SECISBP2L: variants seen among roughly 807,000 people sequenced by gnomAD.
SECISBP2L encodes SECIS binding protein 2 like.
SECISBP2L carries 43 observed loss-of-function variants against 114.7 expected under a neutral mutation model. That is an observed-to-expected ratio of 0.38 (90% confidence interval 0.29 to 0.48). The LOEUF is 0.48. SECISBP2L is among the 20% of genes least tolerant of loss of function. The pLI is 0.98. For missense variants in SECISBP2L, 1,136 were observed against 1,301.1 expected, an observed-to-expected ratio of 0.87 and a Z score of 1.95; for synonymous variants, 451 against 439.7, an observed-to-expected ratio of 1.03 and a Z score of -0.32.
At chr15:49,008,334 T>C (rs2141066940) in intron 14 of SECISBP2L, among the ~76,000 whole-genome samples, 1 of 152,316 alleles carries the variant, frequency 6.6e-6, no homozygotes, top group South Asian at 2.1e-4. Flanking sequence ...ATGCAGAGAT[T>C]GAGGAACATT....
Position 49,037,590 on chromosome 15 carries a change from C to T in SECISBP2L, c.203+1G>A. On this transcript the variant is annotated splice_donor_variant, in intron 2 of 17. Transcript: ENST00000559471. LOFTEE classifies it high-confidence loss of function. The stretch of plus-strand genomic sequence containing the variant: ...AAAGAAAATAAAAATAAACAAATTA[C>T]CTATTGGACTGGTTTTCCTGCACAA... The T allele has an allele frequency of 6.2e-7, 1 of 1,611,682 alleles. No individual in the cohort carries two copies. Among genetic ancestry groups the T allele is most frequent in the Non-Finnish European group, 8.5e-7 (1 of 1,179,378 alleles).
rs549706881 is a variant in SECISBP2L at position 49,038,256 on chromosome 15, T to C, written c.25-487A>G. On this transcript the variant is annotated intron_variant, in intron 1 of 17. Coordinates refer to ENST00000559471, the MANE Select transcript of SECISBP2L (RefSeq NM_001193489.2). Reference sequence around the variant, plus strand: ...TCATTAAAAGAAAAAATGTCTAAGATGAAAAAATACTTAACATTAACAAGA... The same window carrying C: ...TCATTAAAAGAAAAAATGTCTAAGACGAAAAAATACTTAACATTAACAAGA... 4.6e-5 allele frequency among the ~76,000 whole-genome samples: 7 copies of C among 152,124 alleles called. No homozygotes were observed. In the East Asian group the frequency reaches 9.6e-4, roughly 21 times the overall value.
chr15:49,000,029 A>G (rs777294125), intron 15 of SECISBP2L, 42 bp from the exon 16 acceptor site: 33 of 1,604,034 alleles, frequency 2.1e-5, no homozygotes, highest in Non-Finnish European at 2.7e-5. Flanking sequence ...GTTGTTGCCT[A>G]CATGGAGCTA....
At position 49,028,613 on chromosome 15, in the gene SECISBP2L, C is replaced by A; in HGVS notation, c.734G>T (p.Gly245Val). The change falls in exon 5 of 18, where the codon GGC becomes GTC. Residue 245 changes from glycine to valine, a missense_variant. Gly to Val is a moderately radical substitution (Grantham distance 109, BLOSUM62 -3). This residue lies in a region of SECISBP2L where 452 missense variants were observed against 452.3 expected (regional missense o/e 1.00). Transcript: ENST00000559471. ...AGGGTGGGATGCTCTTCTTCTCCTG[C>A]CCTTGGACTTCCAGAGCATTGTTGC... ...TTATMLWKSK[G>V]RRRRASHPTA... 15 of 1,614,118 alleles carry A rather than the reference C, an allele frequency of 9.3e-6. No individual in the cohort carries two copies. In the South Asian group the frequency reaches 1.6e-4, roughly 18 times the overall value.
At chr15:49,006,664 G>C (rs1384716652) in intron 14 of SECISBP2L, among the ~76,000 whole-genome samples, 1 of 151,840 alleles carries the variant, frequency 6.6e-6, no homozygotes, top group Non-Finnish European at 1.5e-5. Context: ...CTTTTTTCAA[G>C]GTTCTTAGCT....
At chr15:49,021,657 G>C (rs527968075) in intron 7 of SECISBP2L, among the ~76,000 whole-genome samples, 1 of 152,302 alleles carries the variant, frequency 6.6e-6, no homozygotes, top group South Asian at 2.1e-4. Flanking sequence ...TTGTAAACCA[G>C]AATTAGTATA....
At position 49,009,362 on chromosome 15, in the gene SECISBP2L, C is replaced by A; in HGVS notation, c.1881G>T (p.Met627Ile). Residue 627 changes from methionine to isoleucine, a missense_variant, in exon 14 of 18, where the codon ATG becomes ATT. Around this residue, in one of 2 missense-constraint regions of SECISBP2L, gnomAD observed 684 missense variants for 848.7 expected, o/e 0.81. Transcript: ENST00000559471. ...CTGGAGAGAGTGAAGTATCACTGGG[C>A]ATGCTTAGTCCAGTATCTGTGGAGA... ...IVSQEDTGLS[M>I]PSDTSLSPAS... The A allele has an allele frequency of 6.2e-7, 1 of 1,613,704 alleles. No individual in the cohort carries two copies. The highest frequency in any genetic ancestry group is 8.5e-7 in the Non-Finnish European group (1 of 1,179,828).
intron 1 of SECISBP2L, among the ~76,000 whole-genome samples, chr15:49,040,207 G>C (rs1364241360): frequency 6.6e-6 from 1 of 152,164 alleles, no homozygotes; most frequent in Non-Finnish European, 1.5e-5. Flanking sequence ...TACACAGTAT[G>C]TGCCTTTATT....
chr15:48,998,572 A>G (rs1902143247), intron 16 of SECISBP2L, among the ~76,000 whole-genome samples: 1 of 152,206 alleles, frequency 6.6e-6, no homozygotes, highest in Non-Finnish European at 1.5e-5. Flanking sequence ...GTTAGGAATA[A>G]AAGAATATAA....
chr15:49,027,251 G>T, intron 7 of SECISBP2L, 114 bp downstream of exon 7: 1 of 646,402 alleles, frequency 1.5e-6, no homozygotes, highest in Non-Finnish European at 2.6e-6. Context: ...AGTTACACAT[G>T]ATAGTTCACT....
In SECISBP2L at chr15:49,035,549, C is replaced by G. The variant is rs774749211; in HGVS notation, c.313G>C (p.Glu105Gln). ...GGCATCAGCTGATAATATGTATACT[C>G]TGTAGAAACAGGCGGCTGAGCAGAT... ...IISAQPPVST[E>Q]YTYYQLMPAP... The change falls in exon 3 of 18, where the codon GAG becomes CAG. Residue 105 changes from glutamate (E) to glutamine (Q), a missense_variant. Coordinates refer to ENST00000559471, the MANE Select transcript of SECISBP2L (RefSeq NM_001193489.2). 6.2e-7 allele frequency: 1 copy of G among 1,614,208 alleles called. No individual in the cohort carries two copies. The highest frequency in any genetic ancestry group is 2.2e-5 in the East Asian group (1 of 44,896).
chr15:49,033,464 T>A (rs1902939364), intron 3 of SECISBP2L, among the ~76,000 whole-genome samples: 1 of 152,134 alleles, frequency 6.6e-6, no homozygotes, highest in African/African-American at 2.4e-5. Context: ...TAGTAACCTA[T>A]CCCAAAGTAA....
intron 1 of SECISBP2L, among the ~76,000 whole-genome samples, chr15:49,043,197 A>G (rs1338444308): frequency 6.6e-6 from 1 of 152,206 alleles, no homozygotes; most frequent in Non-Finnish European, 1.5e-5. Flanking sequence ...AATAATAAAC[A>G]TTTAAAATAA....
chr15:49,019,418 C>T lies in SECISBP2L; in HGVS notation c.1170G>A (p.Glu390=), dbSNP rs1902598512. Residue 390 remains glutamate, a splice_region_variant and synonymous_variant, in exon 8 of 18, where the codon GAG becomes GAA. Transcript: ENST00000559471. ...SDPNSESLYF[E]DEDGFQELNE... is the part of the protein sequence containing the mutation. ...TACAAATAGAGTTTGAAAAAAATAC[C>T]TCAAAATATAAAGACTCAGAATTTG... 7.0e-7 allele frequency: 1 copy of T among 1,425,630 alleles called. No individual in the cohort carries two copies. Among genetic ancestry groups the T allele is most frequent in the Non-Finnish European group, 9.1e-7 (1 of 1,099,642 alleles). The allele number at this position is 1,425,630 out of a possible 1,614,324, so 88.3% of individuals were successfully genotyped here.
intron 8 of SECISBP2L, among the ~76,000 whole-genome samples, chr15:49,018,914 T>C (rs760431375): frequency 6.6e-6 from 1 of 152,208 alleles, no homozygotes; most frequent in Non-Finnish European, 1.5e-5. Flanking sequence ...CAGAGCACCT[T>C]ACTGCACACA....
intron 7 of SECISBP2L, among the ~76,000 whole-genome samples, chr15:49,025,995 A>C (rs942974635): frequency 1.3e-5 from 2 of 152,240 alleles, no homozygotes; most frequent in African/African-American, 4.8e-5. Context: ...TCAGCAGATG[A>C]ATGGATGAAG....
chr15:49,007,362 A>G (rs1003541898), intron 14 of SECISBP2L, among the ~76,000 whole-genome samples: 1 of 152,238 alleles, frequency 6.6e-6, no homozygotes, highest in Admixed American at 6.5e-5. Flanking sequence ...GCCAGCAGAC[A>G]GGAACATTTA....
chr15:49,030,255 G>A (rs964975817), intron 4 of SECISBP2L, among the ~76,000 whole-genome samples: 5 of 152,160 alleles, frequency 3.3e-5, no homozygotes, highest in Non-Finnish European at 5.9e-5. Flanking sequence ...ACTTAGAGTA[G>A]TATCCAAGCA....
chr15:49,010,944 A>G (rs1386548268), intron 13 of SECISBP2L, among the ~76,000 whole-genome samples: 1 of 152,220 alleles, frequency 6.6e-6, no homozygotes, highest in Non-Finnish European at 1.5e-5. Flanking sequence ...GTAAGCATTC[A>G]ATAAACATTT....
Sources: allele counts gnomAD v4.1 joint callset (sites outside exome capture counted in the v4.1 genomes callset), GRCh38; gene constraint gnomAD v4.1.1; regional missense constraint gnomAD v4.1.1; transcripts MANE v1.5; gene names NCBI Gene and HGNC (gene_info 2026-07-23, HGNC 2026-07-21).